TMPRSS11E: variants seen among roughly 807,000 people sequenced by gnomAD.
TMPRSS11E encodes transmembrane protease serine 11E.
In TMPRSS11E, 38 loss-of-function variants were observed where a neutral mutation model predicts 48.1. The ratio of observed to expected loss-of-function variants is 0.79; its 90% CI spans 0.61 to 1.04. The LOEUF is 1.04. Among genes scored for constraint, TMPRSS11E ranks in the 50% least tolerant of loss-of-function variants. The probability of loss-of-function intolerance (pLI) is 0.00; values close to 1 mark genes in which losing one functional copy is unlikely to be tolerated. For synonymous variants in TMPRSS11E, 158 were observed against 171.9 expected, an observed-to-expected ratio of 0.92 and a Z score of 0.63; for missense variants, 530 against 510.8, an observed-to-expected ratio of 1.04 and a Z score of -0.36.
intron 9 of TMPRSS11E, among the ~76,000 whole-genome samples, chr4:68,486,708 A>G (rs961647370): frequency 1.3e-5 from 2 of 152,092 alleles, no homozygotes; most frequent in African/African-American, 4.8e-5. Flanking sequence ...TTCTGCCTTT[A>G]TAACACCTTT....
Position 68,476,414 on chromosome 4 carries a change from T to C in TMPRSS11E, c.683T>C (p.Val228Ala). The C allele has an allele frequency of 6.2e-7, 1 of 1,613,352 alleles. No homozygotes were observed. Among genetic ancestry groups the C allele is most frequent in the South Asian group, 1.1e-5 (1 of 91,002 alleles). Residue 228 changes from valine to alanine, a missense_variant, in exon 7 of 10, where the codon GTG (valine) becomes GCG (alanine). By Grantham distance (64) the Val-to-Ala change is moderately conservative. Coordinates refer to ENST00000305363, the MANE Select transcript of TMPRSS11E (RefSeq NM_014058.4). ...ACCTTAATTAATGCCACATGGCTTG[T>C]GAGTGCTGCTCACTGTTTTACAACG... ...GATLINATWLVSAAHCFTTYK... is the reference protein window; with the variant it reads ...GATLINATWLASAAHCFTTYK...
At chr4:68,461,734 C>A in intron 1 of TMPRSS11E, 87 bp from the exon 2 acceptor site, 1 of 1,586,888 alleles carries the variant, frequency 6.3e-7, no homozygotes, top group Non-Finnish European at 8.6e-7. Context: ...ACTGAATGTC[C>A]TTTATTCCCC....
intron 9 of TMPRSS11E, among the ~76,000 whole-genome samples, chr4:68,485,334 A>G (rs931513479): frequency 5.9e-5 from 9 of 151,836 alleles, no homozygotes; most frequent in African/African-American, 2.2e-4. Flanking sequence ...TTTAGTAGAG[A>G]TGGGGTTTTG....
intron 9 of TMPRSS11E, among the ~76,000 whole-genome samples, chr4:68,486,728 T>C (rs1374045622): frequency 6.6e-6 from 1 of 152,184 alleles, no homozygotes; most frequent in African/African-American, 2.4e-5. Flanking sequence ...TAGAGGGGTG[T>C]TGAAATCTCC....
chr4:68,487,648 G>T (rs1168042958), intron 9 of TMPRSS11E, among the ~76,000 whole-genome samples: 1 of 152,084 alleles, frequency 6.6e-6, no homozygotes, highest in African/African-American at 2.4e-5. Context: ...TTGCTTGTCT[G>T]AAAAAGATTC....
intron 4 of TMPRSS11E, 56 bp from the exon 5 acceptor site, chr4:68,471,375 TCCTTCCCTCCCTCCCTCCCTCCCTTCCTG>T: frequency 3.6e-6 from 1 of 274,918 alleles, no homozygotes; most frequent in Non-Finnish European, 7.7e-6. Context: ...CTTCACTTCC[TCCTTCCCTCCCTCCCTCCCTCCCTTCCTG>T]CCTTTCTTTC....
intron 9 of TMPRSS11E, among the ~76,000 whole-genome samples, chr4:68,483,246 A>T (rs1208715235): frequency 3.6e-5 from 3 of 83,610 alleles, no homozygotes; most frequent in Non-Finnish European, 7.6e-5. Flanking sequence ...TGAAAGCAGG[A>T]GCGAGAGAGA....
At chr4:68,452,502 G>C (rs1361980435) in intron 1 of TMPRSS11E, among the ~76,000 whole-genome samples, 2 of 151,844 alleles carry the variant, frequency 1.3e-5, no homozygotes, top group Non-Finnish European at 2.9e-5. Context: ...TACAGCTAGG[G>C]AAACCAAAAA....
At chr4:68,473,387 C>G (rs987452365) in intron 5 of TMPRSS11E, among the ~76,000 whole-genome samples, 1 of 152,064 alleles carries the variant, frequency 6.6e-6, no homozygotes, top group Non-Finnish European at 1.5e-5. Flanking sequence ...CCTCTGCTTA[C>G]TTAATGGAAG....
chr4:68,468,734 T>C, intron 3 of TMPRSS11E, 145 bp from the exon 4 acceptor site: 1 of 698,000 alleles, frequency 1.4e-6, no homozygotes, highest in East Asian at 2.7e-5. Context: ...AATAGATTCC[T>C]CAAGCTTCCT....
intron 9 of TMPRSS11E, among the ~76,000 whole-genome samples, chr4:68,484,008 G>A (rs578091564): frequency 1.2e-4 from 18 of 151,932 alleles, no homozygotes; most frequent in Non-Finnish European, 2.2e-4. Context: ...TACTTTTTTT[G>A]TACTAGCACC....
At chr4:68,475,893 A>C (rs1729198530) in intron 6 of TMPRSS11E, among the ~76,000 whole-genome samples, 1 of 152,208 alleles carries the variant, frequency 6.6e-6, no homozygotes, top group African/African-American at 2.4e-5. Context: ...AAACAATGTC[A>C]GTATGTATAC....
In TMPRSS11E at chr4:68,496,860, G is replaced by A. The variant is rs554861873; in HGVS notation, c.*56G>A. ...TTTTTTTTGTTTTTTGGGTGTGGAG[G>A]CCATTTTTAGAGATACAGAATTGGA... On this transcript the variant is annotated 3_prime_UTR_variant, in exon 10 of 10. Transcript: ENST00000305363. 6 of 1,513,832 alleles carry A rather than the reference G, an allele frequency of 4.0e-6. No individual in the cohort carries two copies. The highest frequency in any genetic ancestry group is 2.1e-5 in the Admixed American group (1 of 48,204). The allele number at this position is 1,513,832 out of a possible 1,614,324, so 93.8% of individuals were successfully genotyped here.
chr4:68,496,853 T>C lies in TMPRSS11E; in HGVS notation c.*49T>C, dbSNP rs1426096461. On this transcript the variant is annotated 3_prime_UTR_variant, in exon 10 of 10. Transcript: ENST00000305363. ...ATAACATTTTTTTTTGTTTTTTGGGTGTGGAGGCCATTTTTAGAGATACAG... is the reference window on the plus strand; with the variant it reads ...ATAACATTTTTTTTTGTTTTTTGGGCGTGGAGGCCATTTTTAGAGATACAG... 1 of 1,541,694 alleles carries C rather than the reference T, an allele frequency of 6.5e-7. No homozygotes were observed. The highest frequency in any genetic ancestry group is 2.0e-5 in the Admixed American group (1 of 48,970).
At chr4:68,482,962 C>G (rs1321314906) in intron 9 of TMPRSS11E, among the ~76,000 whole-genome samples, 2 of 152,152 alleles carry the variant, frequency 1.3e-5, no homozygotes, top group African/African-American at 4.8e-5. Context: ...CCATTCTTTA[C>G]CTGTTACCCA....
At chr4:68,478,147 A>ATTTTTTTTTTTTTTTT (rs879193345) in intron 8 of TMPRSS11E, among the ~76,000 whole-genome samples, 1 of 90,532 alleles carries the variant, frequency 1.1e-5, no homozygotes, top group African/African-American at 3.9e-5. Context: ...CTGTATCACT[A>ATTTTTTTTTTTTTTTT]TCTTTTTTTT....
intron 4 of TMPRSS11E, among the ~76,000 whole-genome samples, chr4:68,470,023 T>C (rs989618200): frequency 6.6e-6 from 1 of 151,926 alleles, no homozygotes; most frequent in Admixed American, 6.6e-5. Flanking sequence ...ACTGCAATAG[T>C]GAGAAGAGCA....
At chr4:68,490,470 C>G (rs1410064559) in intron 9 of TMPRSS11E, among the ~76,000 whole-genome samples, 1 of 152,112 alleles carries the variant, frequency 6.6e-6, no homozygotes, top group Non-Finnish European at 1.5e-5. Context: ...GAAGGAATTG[C>G]CTCATTTCCC....
chr4:68,467,076 C>T (rs945306270), intron 3 of TMPRSS11E, among the ~76,000 whole-genome samples: 1 of 151,866 alleles, frequency 6.6e-6, no homozygotes, highest in Non-Finnish European at 1.5e-5. Flanking sequence ...TTGTTGTATC[C>T]TAGACTTCCT....
Sources: gnomAD v4.1 joint callset for allele counts (sites outside exome capture counted in the v4.1 genomes callset) on GRCh38, gnomAD v4.1.1 for gene constraint, MANE v1.5 for transcripts, NCBI Gene and HGNC (gene_info 2026-07-23, HGNC 2026-07-21) for gene names.